The following TASP1 variants were observed in gnomAD, a reference collection of about 807,000 sequenced individuals.
TASP1 encodes the protein threonine aspartase 1.
TASP1 carries 16 observed loss-of-function variants against 56.6 expected under a neutral mutation model. That is an observed-to-expected ratio of 0.28 (90% CI 0.19 to 0.43). TASP1 has a LOEUF of 0.43. TASP1 is among the 20% of genes least tolerant of loss of function. TASP1 has a pLI of 1.00. For synonymous variants in TASP1, 179 were observed against 184.2 expected, an observed-to-expected ratio of 0.97 and a Z score of 0.23; for missense variants, 393 against 511.6, an observed-to-expected ratio of 0.77 and a Z score of 2.24.
At chr20:13,296,540 G>A in the TASP1 span, among the ~76,000 whole-genome samples, 1 of 152,192 alleles carries the variant, frequency 6.6e-6, no homozygotes, top group Non-Finnish European at 1.5e-5. Context: ...TTATAGAGAA[G>A]TAAATAAGGG....
the TASP1 span, among the ~76,000 whole-genome samples, chr20:13,277,466 G>T: frequency 6.6e-6 from 1 of 151,998 alleles, no homozygotes. Context: ...GCTCAGCATC[G>T]CCCTGTCACT....
At chr20:13,563,102 CA>C in intron 7 of TASP1, among the ~76,000 whole-genome samples, 1 of 150,044 alleles carries the variant, frequency 6.7e-6, no homozygotes, top group Middle Eastern at 3.5e-3. Flanking sequence ...TTTTTTGAGA[CA>C]ATGTATATAT....
chr20:13,151,755 C>G, the TASP1 span, among the ~76,000 whole-genome samples: 1 of 152,044 alleles, frequency 6.6e-6, no homozygotes, highest in Non-Finnish European at 1.5e-5. Context: ...AGTGATAGAG[C>G]CTAGTGAAAA....
intron 12 of TASP1, among the ~76,000 whole-genome samples, chr20:13,434,015 C>T (rs2042917697): frequency 6.6e-6 from 1 of 152,056 alleles, no homozygotes; most frequent in Non-Finnish European, 1.5e-5. Context: ...ATTCCTGATT[C>T]TATTTATATA....
chr20:13,309,689 C>A, the TASP1 span, among the ~76,000 whole-genome samples: 2 of 152,036 alleles, frequency 1.3e-5, no homozygotes, highest in South Asian at 4.1e-4. Flanking sequence ...ATCTTATATT[C>A]AGAAAATCCT....
chr20:13,202,046 C>T, the TASP1 span, among the ~76,000 whole-genome samples: 1 of 152,150 alleles, frequency 6.6e-6, no homozygotes, highest in Non-Finnish European at 1.5e-5. Context: ...AGCCACCGCG[C>T]CTGGCAGATG....
At chr20:13,378,370 G>A in the TASP1 span, among the ~76,000 whole-genome samples, 1 of 152,196 alleles carries the variant, frequency 6.6e-6, no homozygotes, top group African/African-American at 2.4e-5. Flanking sequence ...CAGCTTCCAT[G>A]TAGTTGTGCA....
chr20:13,395,623 A>T (rs1298556574), intron 13 of TASP1, among the ~76,000 whole-genome samples: 1 of 152,064 alleles, frequency 6.6e-6, no homozygotes, highest in Non-Finnish European at 1.5e-5. Context: ...CTGTATTGTG[A>T]ACTGGGTAGT....
At chr20:13,402,568 C>T (rs975076657) in intron 13 of TASP1, among the ~76,000 whole-genome samples, 1 of 152,166 alleles carries the variant, frequency 6.6e-6, no homozygotes, top group African/African-American at 2.4e-5. Context: ...TTATTGGTGG[C>T]GCCTCAACTA....
chr20:13,197,384 T>C, the TASP1 span, among the ~76,000 whole-genome samples: 1 of 152,176 alleles, frequency 6.6e-6, no homozygotes, highest in Non-Finnish European at 1.5e-5. Flanking sequence ...GCAAGAGTCA[T>C]TACAGCAATA....
intron 9 of TASP1, among the ~76,000 whole-genome samples, chr20:13,531,135 C>T (rs1424166125): frequency 6.6e-6 from 1 of 152,084 alleles, no homozygotes; most frequent in Admixed American, 6.6e-5. Flanking sequence ...TTACTAGGGG[C>T]TATAATATGT....
intron 10 of TASP1, among the ~76,000 whole-genome samples, chr20:13,507,472 T>C (rs2044174389): frequency 1.3e-5 from 2 of 151,984 alleles, no homozygotes; most frequent in Non-Finnish European, 2.9e-5. Context: ...GGCGATTCCA[T>C]TGAGCCATGA....
At chr20:13,239,669 C>G in the TASP1 span, 2 of 152,208 alleles carry the variant, frequency 1.3e-5, no homozygotes, top group Non-Finnish European at 2.9e-5. Context: ...CCCACCTGCA[C>G]TCCATGGTGA....
chr20:13,380,651 T>G, the TASP1 span, among the ~76,000 whole-genome samples: 1 of 152,062 alleles, frequency 6.6e-6, no homozygotes, highest in East Asian at 1.9e-4. Flanking sequence ...GCAGGAACAT[T>G]TAAGTCTCCT....
At chr20:13,258,997 T>G in the TASP1 span, among the ~76,000 whole-genome samples, 1 of 152,066 alleles carries the variant, frequency 6.6e-6, no homozygotes, top group Non-Finnish European at 1.5e-5. Flanking sequence ...TAATTAGGAA[T>G]CTGGGCCGGG....
chr20:13,119,021 T>C, the TASP1 span, among the ~76,000 whole-genome samples: 3 of 152,212 alleles, frequency 2.0e-5, no homozygotes, highest in African/African-American at 7.2e-5. Context: ...CTAAAACCAT[T>C]GGGAAAGCCC....
At chr20:13,110,164 T>C in the TASP1 span, 1 of 1,613,662 alleles carries the variant, frequency 6.2e-7, no homozygotes, top group Non-Finnish European at 8.5e-7. Flanking sequence ...ATGGCCAGCC[T>C]CGAACCCGCA....
At chr20:13,271,427 C>G in the TASP1 span, among the ~76,000 whole-genome samples, 1 of 152,186 alleles carries the variant, frequency 6.6e-6, no homozygotes, top group African/African-American at 2.4e-5. Context: ...CTCACCTACA[C>G]TGAAATAGCT....
At chr20:13,122,038 C>G in the TASP1 span, among the ~76,000 whole-genome samples, 1 of 152,130 alleles carries the variant, frequency 6.6e-6, no homozygotes, top group Admixed American at 6.5e-5. Flanking sequence ...GGTCCCCAAG[C>G]TAAGAGACAA....
Sources: allele counts gnomAD v4.1 joint callset (sites outside exome capture counted in the v4.1 genomes callset), GRCh38; gene constraint gnomAD v4.1.1; transcripts MANE v1.5; gene names NCBI Gene and HGNC (gene_info 2026-07-23, HGNC 2026-07-21).